ZNF385D: variants seen among roughly 807,000 people sequenced by gnomAD.
The protein encoded by ZNF385D is zinc finger protein 659.
Under a neutral mutation model 35.8 loss-of-function variants are expected in ZNF385D, and 15 were observed. The ratio of observed to expected loss-of-function variants is 0.42; its 90% confidence interval spans 0.28 to 0.64. The LOEUF (loss-of-function observed/expected upper bound fraction) is 0.64, where lower values mean the gene tolerates loss of function less well. ZNF385D is among the 30% of genes least tolerant of loss of function. The pLI is 0.23. For synonymous variants in ZNF385D, 212 were observed against 186.8 expected (o/e 1.13, Z -1.10); for missense variants, 474 against 494.6 (o/e 0.96, Z 0.39).
chr3:21,745,044 C>T (rs1047513409), intron 1 of ZNF385D, among the ~76,000 whole-genome samples: 2 of 152,166 alleles, frequency 1.3e-5, no homozygotes, highest in Non-Finnish European at 2.9e-5. Flanking sequence ...TTTCTAAGTG[C>T]CTGGCACTAA....
intron 3 of ZNF385D, among the ~76,000 whole-genome samples, chr3:21,853,324 C>A (rs537154102): frequency 2.0e-5 from 3 of 151,752 alleles, no homozygotes; most frequent in African/African-American, 7.2e-5. Context: ...TTTCCTGTAT[C>A]GTGGTTTTAA....
At chr3:22,268,350 T>A (rs1325498373) in intron 2 of ZNF385D, among the ~76,000 whole-genome samples, 1 of 152,040 alleles carries the variant, frequency 6.6e-6, no homozygotes, top group Non-Finnish European at 1.5e-5. Flanking sequence ...TCTTCCATAA[T>A]GTTTAATTAT....
intron 3 of ZNF385D, among the ~76,000 whole-genome samples, chr3:21,891,623 G>A (rs1424601984): frequency 2.0e-5 from 3 of 152,164 alleles, no homozygotes; most frequent in African/African-American, 7.2e-5. Context: ...TTCATTGATG[G>A]AATGAATGCT....
At chr3:22,107,135 C>T (rs1559373986) in intron 3 of ZNF385D, among the ~76,000 whole-genome samples, 1 of 149,580 alleles carries the variant, frequency 6.7e-6, no homozygotes. Flanking sequence ...AGCGATTCTC[C>T]TGCCTCAGCC....
chr3:21,628,414 T>C (rs1257520694), intron 2 of ZNF385D, among the ~76,000 whole-genome samples: 3 of 152,074 alleles, frequency 2.0e-5, no homozygotes, highest in African/African-American at 7.2e-5. Context: ...CACTAACTGA[T>C]TGTGTTACCT....
chr3:22,236,593 G>A (rs1237827920), intron 2 of ZNF385D, among the ~76,000 whole-genome samples: 1 of 152,060 alleles, frequency 6.6e-6, no homozygotes, highest in African/African-American at 2.4e-5. Context: ...CCCTTTTAAA[G>A]TGCCCAATTC....
At chr3:21,818,564 G>A (rs1202706044) in intron 3 of ZNF385D, among the ~76,000 whole-genome samples, 1 of 152,050 alleles carries the variant, frequency 6.6e-6, no homozygotes, top group Non-Finnish European at 1.5e-5. Flanking sequence ...AATATTTCTA[G>A]ATAAAAATAT....
chr3:21,539,539 AGTTT>A lies in ZNF385D; in HGVS notation c.276+25031_276+25034del, dbSNP rs1213370056. Among the ~76,000 whole-genome samples, 5 of 152,260 alleles carry A rather than the reference AGTTT, an allele frequency of 3.3e-5. No individual in the cohort carries two copies. The highest frequency in any genetic ancestry group is 3.9e-4 in the East Asian group (2 of 5,190). ...ACATTATTCAGTAATTTCATATGTT[AGTTT>A]GTTTTCTTTATGCTTTGTACTCTAA... On this transcript the variant is annotated intron_variant, in intron 3 of 7. Coordinates refer to ENST00000281523, the MANE Select transcript of ZNF385D (RefSeq NM_024697.3). This position sits in a 1 kb window ranked among gnomAD's most constrained non-coding sequence, Gnocchi z 4.0.
chr3:22,228,755 A>C (rs540852047), intron 2 of ZNF385D, among the ~76,000 whole-genome samples: 1 of 152,188 alleles, frequency 6.6e-6, no homozygotes, highest in Non-Finnish European at 1.5e-5. Context: ...AGCACAATCT[A>C]ATCAGCTGCC....
chr3:22,078,929 G>A (rs1415616608), intron 3 of ZNF385D, among the ~76,000 whole-genome samples: 1 of 151,988 alleles, frequency 6.6e-6, no homozygotes, highest in African/African-American at 2.4e-5. Flanking sequence ...CAAAAAATGT[G>A]TGGAAATTGA....
rs111379830 is a variant in ZNF385D at position 22,255,693 on chromosome 3, T to C, written c.107-86658A>G. Among the ~76,000 whole-genome samples, 674 of 151,958 alleles carry C rather than the reference T, an allele frequency of 4.4e-3. 4 individuals are homozygous for C. The highest frequency in any genetic ancestry group is 0.015 in the African/African-American group (637 of 41,524). On this transcript the variant is annotated intron_variant, in intron 2 of 5. Transcript: ENST00000494108. ...AAAAATGCTAGCATTATCCATTTCA[T>C]ATGTACTTTTGTGAGAAGTGGTAAA... is the stretch of plus-strand genomic sequence containing the variant.
At chr3:22,362,292 T>C (rs1272025654) in intron 2 of ZNF385D, among the ~76,000 whole-genome samples, 1 of 151,956 alleles carries the variant, frequency 6.6e-6, no homozygotes, top group Non-Finnish European at 1.5e-5. Context: ...TTGATTTTTT[T>C]TTATTTATGA....
At chr3:21,832,706 C>T (rs1695077167) in intron 3 of ZNF385D, among the ~76,000 whole-genome samples, 1 of 152,136 alleles carries the variant, frequency 6.6e-6, no homozygotes, top group Non-Finnish European at 1.5e-5. Flanking sequence ...CACTGTTGGG[C>T]ATTTAAATGG....
intron 2 of ZNF385D, among the ~76,000 whole-genome samples, chr3:21,620,351 T>TAA (rs3996213): frequency 0.39 from 59,047 of 151,732 alleles, 12,428 homozygotes; most frequent in South Asian, 0.55. Flanking sequence ...GAGGAATTTT[T>TAA]AAACCCTCTT....
chr3:22,113,382 T>G (rs967772294), intron 3 of ZNF385D, among the ~76,000 whole-genome samples: 1 of 152,104 alleles, frequency 6.6e-6, no homozygotes, highest in African/African-American at 2.4e-5. Flanking sequence ...CCTTATATAG[T>G]GTTTAAATTT....
At chr3:22,016,359 G>T (rs575100699) in intron 3 of ZNF385D, among the ~76,000 whole-genome samples, 1 of 152,028 alleles carries the variant, frequency 6.6e-6, no homozygotes, top group Non-Finnish European at 1.5e-5. Context: ...CTGAGGCTGC[G>T]AAACCTTGAC....
chr3:21,807,514 G>T (rs956194852), intron 3 of ZNF385D, among the ~76,000 whole-genome samples: 1 of 152,078 alleles, frequency 6.6e-6, no homozygotes, highest in Non-Finnish European at 1.5e-5. Flanking sequence ...TGGCTTTGGA[G>T]TTTTTTGAAG....
chr3:22,329,381 A>G (rs2125457932), intron 2 of ZNF385D, among the ~76,000 whole-genome samples: 1 of 152,318 alleles, frequency 6.6e-6, no homozygotes, highest in African/African-American at 2.4e-5. Context: ...AATCTACATC[A>G]GTTCAAGTGT....
intron 2 of ZNF385D, among the ~76,000 whole-genome samples, chr3:22,365,093 A>C (rs1696592116): frequency 6.6e-6 from 1 of 152,076 alleles, no homozygotes. Flanking sequence ...GGCTGTGGGC[A>C]GGGAAGAATG....
Sources: allele counts gnomAD v4.1 joint callset (sites outside exome capture counted in the v4.1 genomes callset), GRCh38; gene constraint gnomAD v4.1.1; non-coding constraint Gnocchi (gnomAD v3.1); transcripts MANE v1.5; gene names NCBI Gene and HGNC (gene_info 2026-07-23, HGNC 2026-07-21).